Variants in ATRNL1 observed in about 807,000 individuals in gnomAD.
ATRNL1 encodes the protein attractin-like protein 1.
Under a neutral mutation model 182.7 loss-of-function variants are expected in ATRNL1, and 95 were observed. The observed-to-expected ratio is 0.52, with a 90% confidence interval of 0.44 to 0.62. The LOEUF (loss-of-function observed/expected upper bound fraction) is 0.62, where lower values mean the gene tolerates loss of function less well. Ranked by LOEUF, ATRNL1 falls within the 20% of genes least tolerant of loss-of-function variation. The pLI is 0.00. For missense variants in ATRNL1, 1,471 were observed against 1,679.5 expected (o/e 0.88, Z 2.17); for synonymous variants, 576 against 568.3 (o/e 1.01, Z -0.19).
At chr10:115,753,528 G>A (rs543285057) in intron 27 of ATRNL1, among the ~76,000 whole-genome samples, 1 of 152,288 alleles carries the variant, frequency 6.6e-6, no homozygotes, top group Admixed American at 6.5e-5. Context: ...TGGCTGCATA[G>A]TATTCCATGG....
chr10:115,854,667 C>T (rs1463541038), intron 28 of ATRNL1, among the ~76,000 whole-genome samples: 3 of 152,184 alleles, frequency 2.0e-5, no homozygotes, highest in African/African-American at 7.2e-5. Context: ...CCACCATTCC[C>T]CAGACCAGCT....
chr10:115,455,174 A>C (rs1342178281), intron 21 of ATRNL1, among the ~76,000 whole-genome samples: 1 of 152,068 alleles, frequency 6.6e-6, no homozygotes, highest in Non-Finnish European at 1.5e-5. Context: ...TCATTCTGTT[A>C]ATGTAGTGTA....
intron 13 of ATRNL1, among the ~76,000 whole-genome samples, chr10:115,278,400 C>T (rs1213807540): frequency 3.3e-5 from 5 of 152,202 alleles, no homozygotes; most frequent in African/African-American, 7.2e-5. Context: ...CCAAGAGCTT[C>T]GGACACCTCC....
chr10:115,468,718 A>G (rs981961437), intron 23 of ATRNL1, among the ~76,000 whole-genome samples: 2 of 150,824 alleles, frequency 1.3e-5, no homozygotes, highest in Non-Finnish European at 3.0e-5. Context: ...GGATTGAGAC[A>G]CACGAAAATA....
intron 9 of ATRNL1, among the ~76,000 whole-genome samples, chr10:115,227,273 A>G (rs1849740426): frequency 6.6e-6 from 1 of 152,146 alleles, no homozygotes; most frequent in African/African-American, 2.4e-5. Context: ...ATGAACAGAC[A>G]CTTCTCAAAA....
At chr10:115,474,976 A>G (rs1245570312) in intron 24 of ATRNL1, among the ~76,000 whole-genome samples, 2 of 151,320 alleles carry the variant, frequency 1.3e-5, no homozygotes, top group Non-Finnish European at 3.0e-5. Flanking sequence ...GATAATGTGC[A>G]CAGATGCTTG....
chr10:115,516,613 C>T (rs1302362833), intron 24 of ATRNL1, among the ~76,000 whole-genome samples: 3 of 151,764 alleles, frequency 2.0e-5, no homozygotes, highest in Admixed American at 6.6e-5. Context: ...TAATATATTC[C>T]GAACTCTTTG....
chr10:115,514,570 A>T (rs923101689), intron 24 of ATRNL1, among the ~76,000 whole-genome samples: 3 of 151,868 alleles, frequency 2.0e-5, no homozygotes, highest in Admixed American at 2.0e-4. Flanking sequence ...AGTTATATGG[A>T]CCCACAGATG....
intron 19 of ATRNL1, among the ~76,000 whole-genome samples, chr10:115,375,199 T>A (rs1032492575): frequency 1.3e-5 from 2 of 151,912 alleles, no homozygotes; most frequent in Non-Finnish European, 2.9e-5. Context: ...TATATCCATT[T>A]AATGATTTGA....
chr10:115,312,362 G>A (rs1000115286), intron 17 of ATRNL1, among the ~76,000 whole-genome samples: 4 of 152,108 alleles, frequency 2.6e-5, no homozygotes, highest in Non-Finnish European at 5.9e-5. Context: ...CTTCATTTAT[G>A]AAAGTTAGTT....
chr10:115,275,956 A>G (rs1353580413), intron 13 of ATRNL1, among the ~76,000 whole-genome samples: 1 of 152,186 alleles, frequency 6.6e-6, no homozygotes, highest in Non-Finnish European at 1.5e-5. Flanking sequence ...CCAAGCTATA[A>G]CATCAAATGT....
intron 26 of ATRNL1, among the ~76,000 whole-genome samples, chr10:115,576,679 T>G (rs1555005313): frequency 1.3e-5 from 2 of 152,088 alleles, no homozygotes; most frequent in Non-Finnish European, 2.9e-5. Flanking sequence ...TCCCAATCCA[T>G]TAACTGCCCT....
intron 25 of ATRNL1, among the ~76,000 whole-genome samples, chr10:115,533,057 A>T (rs559388809): frequency 2.6e-5 from 4 of 152,248 alleles, no homozygotes; most frequent in Admixed American, 2.6e-4. Flanking sequence ...ATATTGGTCT[A>T]AAATTCTCTT....
chr10:115,630,421 A>G (rs899772654), intron 26 of ATRNL1, among the ~76,000 whole-genome samples: 1 of 152,006 alleles, frequency 6.6e-6, no homozygotes, highest in Non-Finnish European at 1.5e-5. Context: ...GAGAGTGTCA[A>G]CAGGTACAGC....
chr10:115,481,251 A>G (rs958141445), intron 24 of ATRNL1, among the ~76,000 whole-genome samples: 2 of 150,484 alleles, frequency 1.3e-5, no homozygotes, highest in Admixed American at 6.6e-5. Context: ...TTTTCAGATC[A>G]TATACTTCCA....
At chr10:115,451,891 A>C (rs894589637) in intron 21 of ATRNL1, among the ~76,000 whole-genome samples, 2 of 152,204 alleles carry the variant, frequency 1.3e-5, no homozygotes, top group African/African-American at 2.4e-5. Context: ...TCAGATAAAG[A>C]AAATGTGGTA....
At chr10:115,514,155 G>A (rs1370957562) in intron 24 of ATRNL1, among the ~76,000 whole-genome samples, 1 of 151,920 alleles carries the variant, frequency 6.6e-6, no homozygotes, top group African/African-American at 2.4e-5. Context: ...CAAGTATCAT[G>A]TGTAACCTAA....
rs1341412035 is a variant in ATRNL1 at position 115,528,027 on chromosome 10, CTCCTTCCTTTCTTCCT to C, written c.3716+8713_3716+8728del. ...CTTCCTTCCTTCCTTCCTTCCTTCC[CTCCTTCCTTTCTTCCT>C]TCCTTCCTTCCTTCCTTCCTTCCTT... On this transcript the variant is annotated intron_variant, in intron 25 of 28. Coordinates refer to ENST00000355044, the MANE Select transcript of ATRNL1 (RefSeq NM_207303.4). 1.0e-3 allele frequency among the ~76,000 whole-genome samples: 48 copies of C among 47,466 alleles called. 2 individuals are homozygous for C. Among genetic ancestry groups the C allele is most frequent in the African/African-American group, 5.8e-3 (47 of 8,114 alleles). The allele number at this position is 47,466 out of a possible 152,430, so 31.1% of individuals were successfully genotyped here.
chr10:115,217,793 A>C (rs148042394), intron 9 of ATRNL1, among the ~76,000 whole-genome samples: 1 of 152,360 alleles, frequency 6.6e-6, no homozygotes, highest in East Asian at 1.9e-4. Context: ...TTGTAGATGT[A>C]TGATGCTTTA....
Sources: gnomAD v4.1 joint callset for allele counts (sites outside exome capture counted in the v4.1 genomes callset) on GRCh38, gnomAD v4.1.1 for gene constraint, MANE v1.5 for transcripts, NCBI Gene and HGNC (gene_info 2026-07-23, HGNC 2026-07-21) for gene names.